The following COQ4 variants were observed in gnomAD, a reference collection of about 807,000 sequenced individuals.
COQ4 encodes ubiquinone biosynthesis protein COQ4 homolog, mitochondrial.
Under a neutral mutation model 30.2 loss-of-function variants are expected in COQ4, and 36 were observed. The ratio of observed to expected loss-of-function variants is 1.19; its 90% CI spans 0.91 to 1.57. The LOEUF is 1.57. Among genes scored for constraint, COQ4 ranks in the 40% most tolerant of loss-of-function variants. COQ4 has a pLI of 0.00. For missense variants in COQ4, 369 were observed against 371.9 expected, an observed-to-expected ratio of 0.99 and a Z score of 0.07; for synonymous variants, 197 against 161.0, an observed-to-expected ratio of 1.22 and a Z score of -1.69.
At chr9:128,330,802 ATATC>A (rs1461533916) in intron 4 of COQ4, 7 of 149,344 alleles carry the variant, frequency 4.7e-5, no homozygotes, top group African/African-American at 1.7e-4. Flanking sequence ...TTAGCCCAAT[ATATC>A]CAAAGTATTA....
rs1425215224 is a variant in COQ4 at position 128,333,902 on chromosome 9, A to G, written c.*257A>G. 3 of 311,620 alleles carry G rather than the reference A, an allele frequency of 9.6e-6. No homozygotes were observed. Among genetic ancestry groups the G allele is most frequent in the African/African-American group, 4.3e-5 (2 of 46,490 alleles). 19.3% of individuals were successfully genotyped at this position (311,620 alleles called of 1,614,324 possible). On this transcript the variant is annotated 3_prime_UTR_variant, in exon 7 of 7. Transcript: ENST00000300452. ...TGAACAGTATCAGTCGTCTGGGCTC[A>G]TGCTGGGATGTCGCAGTGCTCCTGT...
chr9:128,323,468 A>G (rs1184749268), intron 2 of COQ4: 3 of 461,246 alleles, frequency 6.5e-6, no homozygotes, highest in African/African-American at 6.1e-5. Flanking sequence ...CCTACTAGAA[A>G]GTCAACTCCG....
intron 4 of COQ4, 69 bp downstream of exon 4, chr9:128,325,950 C>T: frequency 7.3e-7 from 1 of 1,374,548 alleles, no homozygotes; most frequent in Admixed American, 1.7e-5. Context: ...GGCATGACAC[C>T]CTGAGGAAAG....
chr9:128,333,565 C>CGCTGGGA lies in COQ4; in HGVS notation c.721_727dup (p.Gln243LeufsTer29), dbSNP rs749502501. ...TGTCCTCAACCTGTACTATGAGCGG[C>CGCTGGGA]GCTGGGAGCAGTCCCTGAGGGCTCT... is the stretch of plus-strand genomic sequence containing the variant. On this transcript the variant is annotated frameshift_variant, in exon 7 of 7. Coordinates refer to ENST00000300452, the MANE Select transcript of COQ4 (RefSeq NM_016035.5). LOFTEE classifies it high-confidence loss of function. 1.9e-6 allele frequency: 3 copies of CGCTGGGA among 1,610,320 alleles called. No homozygotes were observed. Among genetic ancestry groups the CGCTGGGA allele is most frequent in the Non-Finnish European group, 2.5e-6 (3 of 1,178,530 alleles).
intron 5 of COQ4, 179 bp from the exon 6 acceptor site, chr9:128,332,671 C>T (rs1832434244): frequency 1.6e-6 from 1 of 629,698 alleles, no homozygotes. Flanking sequence ...TCTGTTCACT[C>T]TTGGGCTCTC....
chr9:128,329,780 ACTCTATGATCAC>A (rs1293713231), intron 4 of COQ4, among the ~76,000 whole-genome samples: 1 of 151,880 alleles, frequency 6.6e-6, no homozygotes, highest in Non-Finnish European at 1.5e-5. Context: ...CCTGGTGGAT[ACTCTATGATCAC>A]CTTCAGCTTC....
intron 4 of COQ4, chr9:128,331,808 AC>A (rs1279363316): frequency 5.9e-6 from 1 of 168,160 alleles, no homozygotes; most frequent in East Asian, 1.7e-4. Flanking sequence ...GCTCACTGCA[AC>A]CTCCGCCTCC....
chr9:128,324,911 G>A (rs567050428), intron 2 of COQ4, among the ~76,000 whole-genome samples: 62 of 152,184 alleles, frequency 4.1e-4, no homozygotes, highest in Non-Finnish European at 7.8e-4. Flanking sequence ...TCTTTACAAC[G>A]TTGTGCTAAC....
Position 128,333,629 on chromosome 9 carries a change from T to A in COQ4, c.782T>A (p.Val261Asp). ...GGCATTACAGCACCACCCATGCACG[T>A]CCAGGGCTTGGCCTGAGCTCCTGAG... ...ELGITAPPMH[V>D]QGLA Residue 261 changes from valine to aspartate, a missense_variant, in exon 7 of 7, where the codon GTC (valine) becomes GAC (aspartate). By Grantham distance (152) the Val-to-Asp change is radical (BLOSUM62 -3). Transcript: ENST00000300452. 1 of 1,573,586 alleles carries A rather than the reference T, an allele frequency of 6.4e-7. No individual in the cohort carries two copies. The highest frequency in any genetic ancestry group is 8.6e-7 in the Non-Finnish European group (1 of 1,164,632).
intron 4 of COQ4, 166 bp downstream of exon 4, chr9:128,326,047 T>A: frequency 1.5e-6 from 1 of 654,660 alleles, no homozygotes; most frequent in East Asian, 2.7e-5. Context: ...GGCAAATGGG[T>A]GGGAACATGC....
Position 128,333,521 on chromosome 9 carries a change from A to G in COQ4, c.674A>G (p.Asn225Ser). Residue 225 changes from asparagine to serine, a missense_variant, in exon 7 of 7, where the codon AAC becomes AGC. Transcript: ENST00000300452. Reference protein sequence around the residue: ...VSELIPWAVQNGRRAPCVLNL... With the variant: ...VSELIPWAVQSGRRAPCVLNL... ...GAGTTGATCCCATGGGCCGTTCAGA[A>G]CGGGCGCAGAGCCCCATGTGTCCTC... 1 of 1,598,974 alleles carries G rather than the reference A, an allele frequency of 6.3e-7. No homozygotes were observed. Among genetic ancestry groups the G allele is most frequent in the South Asian group, 1.1e-5 (1 of 88,630 alleles).
chr9:128,324,056 T>C (rs572146409), intron 2 of COQ4, among the ~76,000 whole-genome samples: 2 of 152,284 alleles, frequency 1.3e-5, no homozygotes, highest in South Asian at 4.1e-4. Context: ...CAATCTCAGC[T>C]CTATGCAACT....
chr9:128,332,077 G>A (rs1832422027), intron 4 of COQ4, 76 bp from the exon 5 acceptor site: 11 of 1,487,182 alleles, frequency 7.4e-6, no homozygotes, highest in South Asian at 2.5e-5. Flanking sequence ...GAGTTGTGAC[G>A]GTGTCAGAGA....
intron 3 of COQ4, 25 bp downstream of exon 3, chr9:128,325,264 T>C: frequency 1.3e-6 from 2 of 1,510,818 alleles, no homozygotes; most frequent in South Asian, 1.1e-5. Flanking sequence ...TGCCTGGGGG[T>C]CTGGGGGCAT....
intron 4 of COQ4, 32 bp from the exon 5 acceptor site, chr9:128,332,121 G>C: frequency 2.6e-6 from 4 of 1,550,376 alleles, no homozygotes; most frequent in Non-Finnish European, 3.5e-6. Flanking sequence ...GAACCATCAG[G>C]AAGGGTTCTA....
rs369106281 is a variant in COQ4 at position 128,332,291 on chromosome 9, C to A, written c.532+9C>A. The stretch of plus-strand genomic sequence containing the variant: ...GCCCACCAACATCCTGGGTGAGTGC[C>A]CCCAACCCTGATGGCCTGTCTCCCT... On this transcript the variant is annotated intron_variant, in intron 5 of 6. Transcript: ENST00000300452. The A allele has an allele frequency of 6.2e-7, 1 of 1,611,552 alleles. No homozygotes were observed. Among genetic ancestry groups the A allele is most frequent in the Non-Finnish European group, 8.5e-7 (1 of 1,179,586 alleles).
Position 128,326,481 on chromosome 9 carries a change from C to T in COQ4, c.402+600C>T, listed in dbSNP as rs142402796. On this transcript the variant is annotated intron_variant, in intron 4 of 6. Coordinates refer to ENST00000300452, the MANE Select transcript of COQ4 (RefSeq NM_016035.5). ...CCTTTTTTTTTTTGAGTCGCTCTGT[C>T]GCCCAGGCTAGAGTGCAGTGGTGCG... 561 of 152,070 alleles carry T rather than the reference C, an allele frequency of 3.7e-3. 18 individuals are homozygous for T. The East Asian group carries it at 0.084, about 23-fold the overall frequency. The allele number at this position is 152,070 out of a possible 1,614,324, so 9.4% of individuals were successfully genotyped here.
In COQ4 at chr9:128,333,823, G is replaced by C; in HGVS notation, c.*178G>C. ...TGAGGACGAACCCCGCAGGGAGCAAGCAGTACAGTGGCATTCCCAGGGGGA... is the reference window on the plus strand; with the variant it reads ...TGAGGACGAACCCCGCAGGGAGCAACCAGTACAGTGGCATTCCCAGGGGGA... On this transcript the variant is annotated 3_prime_UTR_variant, in exon 7 of 7. Coordinates refer to ENST00000300452, the MANE Select transcript of COQ4 (RefSeq NM_016035.5). 1 of 509,874 alleles carries C rather than the reference G, an allele frequency of 2.0e-6. No homozygotes were observed. The highest frequency in any genetic ancestry group is 3.3e-6 in the Non-Finnish European group (1 of 300,416). The allele number at this position is 509,874 out of a possible 1,614,324, so 31.6% of individuals were successfully genotyped here.
Position 128,323,024 on chromosome 9 carries a change from C to T in COQ4, c.79C>T (p.Leu27Phe). 6.2e-7 allele frequency: 1 copy of T among 1,611,884 alleles called. No homozygotes were observed. Among genetic ancestry groups the T allele is most frequent in the African/African-American group, 1.3e-5 (1 of 75,040 alleles). Residue 27 changes from leucine (L) to phenylalanine (F), a missense_variant, in exon 2 of 7, where the codon CTC becomes TTC. Coordinates refer to ENST00000300452, the MANE Select transcript of COQ4 (RefSeq NM_016035.5). The part of the protein sequence containing the change: ...GLQRPAAEMP[L>F]RARSDGAGPL... ...TTTTTCTTGCCCCGCAGAAATGCCC[C>T]TCCGGGCTAGGAGCGACGGCGCCGG...
Sources: allele counts gnomAD v4.1 joint callset (sites outside exome capture counted in the v4.1 genomes callset), GRCh38; gene constraint gnomAD v4.1.1; transcripts MANE v1.5; gene names NCBI Gene and HGNC (gene_info 2026-07-23, HGNC 2026-07-21).